HS6ST3: variants seen among roughly 807,000 people sequenced by gnomAD.
HS6ST3 encodes heparan-sulfate 6-O-sulfotransferase 3.
HS6ST3 carries 12 observed loss-of-function variants against 36.7 expected under a neutral mutation model. The observed-to-expected ratio is 0.33, with a 90% CI of 0.21 to 0.53. The LOEUF is 0.53. HS6ST3 is among the 20% of genes least tolerant of loss of function. The pLI, the probability that HS6ST3 is intolerant of heterozygous loss-of-function variation, is 0.95. For synonymous variants in HS6ST3, 240 were observed against 257.5 expected, an observed-to-expected ratio of 0.93 and a Z score of 0.65; for missense variants, 584 against 640.9, an observed-to-expected ratio of 0.91 and a Z score of 0.96.
chr13:96,442,414 C>T (rs1210469894), intron 1 of HS6ST3, among the ~76,000 whole-genome samples: 1 of 152,160 alleles, frequency 6.6e-6, no homozygotes, highest in Non-Finnish European at 1.5e-5. Flanking sequence ...TCTGACTGTG[C>T]ATCAGCACAC....
At chr13:96,582,210 G>A (rs2056344517) in intron 1 of HS6ST3, among the ~76,000 whole-genome samples, 2 of 152,170 alleles carry the variant, frequency 1.3e-5, no homozygotes, top group South Asian at 4.1e-4. Context: ...AGAAGGACAG[G>A]TTTGCAATTC....
At chr13:96,416,849 T>A (rs2055535973) in intron 1 of HS6ST3, among the ~76,000 whole-genome samples, 1 of 150,952 alleles carries the variant, frequency 6.6e-6, no homozygotes. Context: ...GCCTCTCGGG[T>A]TCACGCCATT....
intron 1 of HS6ST3, among the ~76,000 whole-genome samples, chr13:96,300,761 C>T (rs2054878096): frequency 6.6e-6 from 1 of 151,920 alleles, no homozygotes; most frequent in Non-Finnish European, 1.5e-5. Context: ...TATGTTTGCT[C>T]TGTTAGGTTG....
intron 1 of HS6ST3, among the ~76,000 whole-genome samples, chr13:96,564,290 C>T (rs182417912): frequency 6.6e-6 from 1 of 152,290 alleles, no homozygotes. Context: ...GTGGAGATAG[C>T]ACATACTTGC....
rs149655279 is a variant in HS6ST3, at chr13:96,117,778, T to C, written c.707+26209T>C. Among the ~76,000 whole-genome samples, 509 of 152,300 alleles carry C rather than the reference T, an allele frequency of 3.3e-3. 3 individuals carry two copies. The highest frequency in any genetic ancestry group is 0.012 in the African/African-American group (491 of 41,570). ...TCTAGAAAATGGATTGAGATAAATC[T>C]GTGCCTAACAGGGACATTGTTATGG... On this transcript the variant is annotated intron_variant, in intron 1 of 1. Coordinates refer to ENST00000376705, the MANE Select transcript of HS6ST3 (RefSeq NM_153456.4).
At chr13:96,253,414 T>C (rs1249823914) in intron 1 of HS6ST3, among the ~76,000 whole-genome samples, 1 of 152,188 alleles carries the variant, frequency 6.6e-6, no homozygotes, top group Non-Finnish European at 1.5e-5. Context: ...CGTACTTAGC[T>C]GTGCCACTTT....
At chr13:96,223,166 T>C (rs1441498918) in intron 1 of HS6ST3, among the ~76,000 whole-genome samples, 1 of 152,212 alleles carries the variant, frequency 6.6e-6, no homozygotes, top group East Asian at 1.9e-4. Context: ...ATTTTCAGTA[T>C]TAGTATGTTA....
intron 1 of HS6ST3, among the ~76,000 whole-genome samples, chr13:96,689,924 G>A (rs192854767): frequency 6.6e-6 from 1 of 152,112 alleles, no homozygotes; most frequent in African/African-American, 2.4e-5. Context: ...CACAGCAGAA[G>A]GGGGTAGAAC....
At chr13:96,167,592 T>C (rs1364856985) in intron 1 of HS6ST3, among the ~76,000 whole-genome samples, 1 of 152,230 alleles carries the variant, frequency 6.6e-6, no homozygotes, top group Non-Finnish European at 1.5e-5. Flanking sequence ...CTGGGTCATT[T>C]ACTAAGCCGT....
intron 1 of HS6ST3, among the ~76,000 whole-genome samples, chr13:96,356,781 C>T (rs761863303): frequency 3.9e-5 from 6 of 152,296 alleles, no homozygotes; most frequent in Admixed American, 6.5e-5. Flanking sequence ...TAGACTCTAA[C>T]AAGAGAGTCA....
intron 1 of HS6ST3, among the ~76,000 whole-genome samples, chr13:96,348,931 G>A (rs76311579): frequency 0.022 from 3,362 of 152,182 alleles, 124 homozygotes; most frequent in African/African-American, 0.078. Flanking sequence ...TAAAAGTCAG[G>A]GATGTTTTGA....
chr13:96,176,782 A>G (rs1296651985), intron 1 of HS6ST3, among the ~76,000 whole-genome samples: 6 of 152,226 alleles, frequency 3.9e-5, no homozygotes, highest in Non-Finnish European at 8.8e-5. Context: ...GGATCTAATT[A>G]CACTTAAGAG....
chr13:96,124,128 AAAG>A (rs1273609925), intron 1 of HS6ST3, among the ~76,000 whole-genome samples: 1 of 152,226 alleles, frequency 6.6e-6, no homozygotes, highest in Non-Finnish European at 1.5e-5. Flanking sequence ...CAGATATTAA[AAAG>A]AAGAGAAAGT....
chr13:96,210,719 G>C (rs536498496), intron 1 of HS6ST3, among the ~76,000 whole-genome samples: 7 of 150,760 alleles, frequency 4.6e-5, no homozygotes, highest in Admixed American at 6.6e-5. Flanking sequence ...TCAGCCTTTC[G>C]AGTAGGTGGG....
At chr13:96,765,628 CTGTTTCTGTCTCTG>C (rs1877094165) in intron 1 of HS6ST3, among the ~76,000 whole-genome samples, 1 of 145,778 alleles carries the variant, frequency 6.9e-6, no homozygotes, top group African/African-American at 2.5e-5. Context: ...CTCTCTCTCT[CTGTTTCTGTCTCTG>C]TCTCTCTCCA....
At chr13:96,812,340 C>CT (rs983677663) in intron 1 of HS6ST3, among the ~76,000 whole-genome samples, 8 of 152,112 alleles carry the variant, frequency 5.3e-5, no homozygotes, top group East Asian at 1.9e-4. Flanking sequence ...TTCTTGAAGC[C>CT]TTTTTTTCCT....
chr13:96,269,685 A>C (rs2054710079), intron 1 of HS6ST3, among the ~76,000 whole-genome samples: 1 of 152,000 alleles, frequency 6.6e-6, no homozygotes, highest in African/African-American at 2.4e-5. Flanking sequence ...CTGAGTTTTC[A>C]TGCTAAAGTC....
At chr13:96,735,414 T>A (rs1478968651) in intron 1 of HS6ST3, among the ~76,000 whole-genome samples, 1 of 152,168 alleles carries the variant, frequency 6.6e-6, no homozygotes, top group Non-Finnish European at 1.5e-5. Context: ...ATATCAATCA[T>A]AAGTTACCTA....
intron 1 of HS6ST3, among the ~76,000 whole-genome samples, chr13:96,360,572 G>C (rs1275734131): frequency 6.6e-6 from 1 of 151,190 alleles, no homozygotes; most frequent in African/African-American, 2.4e-5. Context: ...TTGATACCAA[G>C]GTAGAAACAT....
Sources: gnomAD v4.1 joint callset for allele counts (sites outside exome capture counted in the v4.1 genomes callset) on GRCh38, gnomAD v4.1.1 for gene constraint, MANE v1.5 for transcripts, NCBI Gene and HGNC (gene_info 2026-07-23, HGNC 2026-07-21) for gene names.